Variants in CCBE1 observed in about 807,000 individuals in gnomAD.
CCBE1 encodes collagen and calcium binding EGF domains 1, also known as collagen and calcium-binding EGF domain-containing protein 1.
Under a neutral mutation model 50.0 loss-of-function variants are expected in CCBE1, and 37 were observed. That is an observed-to-expected ratio of 0.74 (90% CI 0.57 to 0.97). The LOEUF (loss-of-function observed/expected upper bound fraction) is 0.97, where lower values mean the gene tolerates loss of function less well. Among genes scored for constraint, CCBE1 ranks in the 50% least tolerant of loss-of-function variants. The pLI is 0.00. For synonymous variants in CCBE1, 234 were observed against 203.7 expected, an observed-to-expected ratio of 1.15 and a Z score of -1.27; for missense variants, 538 against 523.8, an observed-to-expected ratio of 1.03 and a Z score of -0.26.
intron 5 of CCBE1, among the ~76,000 whole-genome samples, chr18:59,456,031 T>C (rs780086632): frequency 2.0e-5 from 3 of 152,196 alleles, no homozygotes; most frequent in Non-Finnish European, 2.9e-5. Context: ...AAGCCCTCTG[T>C]TCCATCTCCA....
chr18:59,494,614 G>T (rs144071973), intron 2 of CCBE1, among the ~76,000 whole-genome samples: 1 of 152,090 alleles, frequency 6.6e-6, no homozygotes, highest in African/African-American at 2.4e-5. Flanking sequence ...TCCAAGACTA[G>T]AGATTTATTT....
At chr18:59,525,462 G>A (rs889532661) in intron 2 of CCBE1, among the ~76,000 whole-genome samples, 1 of 152,116 alleles carries the variant, frequency 6.6e-6, no homozygotes, top group Non-Finnish European at 1.5e-5. Context: ...TTGTCAGATG[G>A]ATAGGTTGCA....
intron 2 of CCBE1, among the ~76,000 whole-genome samples, chr18:59,538,477 G>C (rs528256955): frequency 4.6e-5 from 7 of 152,168 alleles, no homozygotes; most frequent in African/African-American, 7.2e-5. Flanking sequence ...CCTGTCCATA[G>C]AGCATACATA....
chr18:59,487,817 C>T (rs548286239), intron 2 of CCBE1, among the ~76,000 whole-genome samples: 3 of 152,224 alleles, frequency 2.0e-5, no homozygotes, highest in East Asian at 1.9e-4. Context: ...ATAGAATTAC[C>T]ATATAATCCA....
chr18:59,538,553 A>G (rs990019871), intron 2 of CCBE1, among the ~76,000 whole-genome samples: 3 of 152,222 alleles, frequency 2.0e-5, no homozygotes, highest in Non-Finnish European at 4.4e-5. Flanking sequence ...ATTGAAATAT[A>G]TGTATTTCAC....
chr18:59,507,130 C>CA lies in CCBE1; in HGVS notation c.213-26893dup, dbSNP rs1314339470. Among the ~76,000 whole-genome samples the CA allele has an allele frequency of 5.3e-5, 8 of 152,336 alleles. No individual in the cohort carries two copies. In the East Asian group the frequency reaches 1.5e-3, roughly 29 times the overall value. The stretch of plus-strand genomic sequence containing the variant: ...ATTCACCAAGATACCTCACACTGTT[C>CA]AAAGTCAAAACATCTGAAAATCAAC... On this transcript the variant is annotated intron_variant, in intron 2 of 10. Transcript: ENST00000439986.
intron 2 of CCBE1, among the ~76,000 whole-genome samples, chr18:59,555,616 A>G (rs1013968793): frequency 8.5e-5 from 13 of 152,230 alleles, no homozygotes; most frequent in Non-Finnish European, 1.0e-4. Flanking sequence ...GAAGTTTAAA[A>G]TAAATGCTGC....
intron 2 of CCBE1, among the ~76,000 whole-genome samples, chr18:59,607,759 T>A (rs116661377): frequency 6.6e-6 from 1 of 152,154 alleles, no homozygotes; most frequent in Admixed American, 6.6e-5. Context: ...AACCCCAGGT[T>A]CTGGATTTAC....
At chr18:59,606,078 A>G (rs536521477) in intron 2 of CCBE1, among the ~76,000 whole-genome samples, 1 of 152,362 alleles carries the variant, frequency 6.6e-6, no homozygotes, top group South Asian at 2.1e-4. Flanking sequence ...TTTACCCCAA[A>G]GTTTAATGAT....
chr18:59,657,653 A>T (rs911409321), intron 2 of CCBE1, among the ~76,000 whole-genome samples: 2 of 152,204 alleles, frequency 1.3e-5, no homozygotes, highest in African/African-American at 4.8e-5. Context: ...GCACTTTGGG[A>T]TCTGAGGCGG....
rs186824874 is a variant in CCBE1 at position 59,508,378 on chromosome 18, A to T, written c.213-28140T>A. 6.5e-3 allele frequency among the ~76,000 whole-genome samples: 984 copies of T among 151,978 alleles called. 7 individuals carry two copies. The highest frequency in any genetic ancestry group is 0.022 in the African/African-American group (903 of 41,512). On this transcript the variant is annotated intron_variant, in intron 2 of 10. Coordinates refer to ENST00000439986, the MANE Select transcript of CCBE1 (RefSeq NM_133459.4). Reference sequence around the variant, plus strand: ...TTTGGGAGGCCGAGGCAGGTGGATAATTTGAGGTCAGGAGTGAGACCAGCC... The same window carrying T: ...TTTGGGAGGCCGAGGCAGGTGGATATTTTGAGGTCAGGAGTGAGACCAGCC...
At chr18:59,587,231 G>A (rs570308760) in intron 2 of CCBE1, among the ~76,000 whole-genome samples, 1 of 152,306 alleles carries the variant, frequency 6.6e-6, no homozygotes, top group South Asian at 2.1e-4. Context: ...TCTCAGTCAT[G>A]AATATCAATG....
intron 2 of CCBE1, among the ~76,000 whole-genome samples, chr18:59,663,201 C>T (rs537805276): frequency 4.7e-4 from 71 of 152,264 alleles, no homozygotes; most frequent in Non-Finnish European, 8.7e-4. Context: ...GTAGATTGTG[C>T]GCAAGCTTTC....
chr18:59,441,044 T>A (rs1270707304), intron 7 of CCBE1, among the ~76,000 whole-genome samples: 1 of 152,192 alleles, frequency 6.6e-6, no homozygotes, highest in African/African-American at 2.4e-5. Flanking sequence ...GTAAATATAG[T>A]GACAATAAAG....
At position 59,514,219 on chromosome 18, in the gene CCBE1, G is replaced by A. The variant is rs184553918; in HGVS notation, c.213-33981C>T. Among the ~76,000 whole-genome samples the A allele has an allele frequency of 3.3e-5, 5 of 152,232 alleles. No homozygotes were observed. The South Asian group carries it at 6.2e-4, about 19-fold the overall frequency. On this transcript the variant is annotated intron_variant, in intron 2 of 10. Coordinates refer to ENST00000439986, the MANE Select transcript of CCBE1 (RefSeq NM_133459.4). The stretch of plus-strand genomic sequence containing the variant: ...GTTACGGATCCCATATTACCGATAC[G>A]AAAATTGAGGCTCAAAGATGCTGGA...
At chr18:59,532,910 G>A (rs957966122) in intron 2 of CCBE1, among the ~76,000 whole-genome samples, 1 of 152,200 alleles carries the variant, frequency 6.6e-6, no homozygotes, top group Non-Finnish European at 1.5e-5. Context: ...TGCTGCATCT[G>A]CCTGGGAATT....
intron 2 of CCBE1, among the ~76,000 whole-genome samples, chr18:59,613,400 G>C (rs1235812379): frequency 1.3e-5 from 2 of 152,134 alleles, no homozygotes; most frequent in African/African-American, 4.8e-5. Flanking sequence ...AGTATTCGAT[G>C]TATTGAAGTT....
At chr18:59,590,318 A>G (rs1288909604) in intron 2 of CCBE1, among the ~76,000 whole-genome samples, 1 of 152,230 alleles carries the variant, frequency 6.6e-6, no homozygotes, top group East Asian at 1.9e-4. Context: ...CTCAGAAAAA[A>G]GCTTAAGAAA....
At chr18:59,615,148 C>A (rs1207765780) in intron 2 of CCBE1, among the ~76,000 whole-genome samples, 2 of 152,200 alleles carry the variant, frequency 1.3e-5, no homozygotes, top group Non-Finnish European at 2.9e-5. Context: ...CATGGCTGAG[C>A]CTCCTAGTCT....
Sources: gnomAD v4.1 joint callset for allele counts (sites outside exome capture counted in the v4.1 genomes callset) on GRCh38, gnomAD v4.1.1 for gene constraint, MANE v1.5 for transcripts, NCBI Gene and HGNC (gene_info 2026-07-23, HGNC 2026-07-21) for gene names.